The following THSD7B variants were observed in gnomAD, a reference collection of about 807,000 sequenced individuals.
The protein encoded by THSD7B is thrombospondin type 1 domain containing 7B.
A neutral mutation model predicts 213.6 loss-of-function variants in THSD7B; 138 were observed. The observed-to-expected ratio is 0.65, with a 90% CI of 0.56 to 0.74. THSD7B has a LOEUF of 0.74. Ranked by LOEUF, THSD7B falls within the 30% of genes least tolerant of loss-of-function variation. The pLI is 0.00. For synonymous variants in THSD7B, 742 were observed against 687.0 expected (o/e 1.08, Z -1.25); for missense variants, 1,931 against 1,991.5 (o/e 0.97, Z 0.58).
At chr2:136,880,828 A>G (rs1251975436) in intron 1 of THSD7B, among the ~76,000 whole-genome samples, 1 of 152,102 alleles carries the variant, frequency 6.6e-6, no homozygotes, top group Non-Finnish European at 1.5e-5. Context: ...ACCATTGTCT[A>G]CTAGTAATCC....
chr2:137,431,168 T>A (rs935067340), intron 14 of THSD7B, among the ~76,000 whole-genome samples: 2 of 152,100 alleles, frequency 1.3e-5, no homozygotes, highest in Non-Finnish European at 2.9e-5. Flanking sequence ...AACAATCAAA[T>A]ACACTTAAGA....
intron 2 of THSD7B, among the ~76,000 whole-genome samples, chr2:137,016,529 T>C (rs1010300965): frequency 3.9e-5 from 6 of 152,216 alleles, no homozygotes; most frequent in Middle Eastern, 3.2e-3. Context: ...CATGTCTTTC[T>C]GGGAAAACTG....
chr2:137,324,193 C>A (rs1177018542), intron 12 of THSD7B, among the ~76,000 whole-genome samples: 1 of 152,134 alleles, frequency 6.6e-6, no homozygotes, highest in Non-Finnish European at 1.5e-5. Context: ...GATTACTTCT[C>A]TGTGTCCTAA....
intron 15 of THSD7B, among the ~76,000 whole-genome samples, chr2:137,552,508 C>G (rs922095020): frequency 2.0e-5 from 3 of 152,056 alleles, no homozygotes; most frequent in African/African-American, 7.2e-5. Flanking sequence ...CCAACCTTGT[C>G]TAACTCCAAT....
chr2:137,439,526 T>TAA (rs3083602), intron 14 of THSD7B, among the ~76,000 whole-genome samples: 93,614 of 151,782 alleles, frequency 0.62, 30,069 homozygotes, highest in East Asian at 0.77. Flanking sequence ...AACAGAAGTC[T>TAA]AAATGTAAAT....
intron 2 of THSD7B, among the ~76,000 whole-genome samples, chr2:136,984,362 C>A (rs946653038): frequency 6.6e-6 from 1 of 152,200 alleles, no homozygotes; most frequent in Non-Finnish European, 1.5e-5. Context: ...AATGGTTTAG[C>A]ACCATCCTCT....
intron 27 of THSD7B, among the ~76,000 whole-genome samples, chr2:137,672,439 T>C (rs1172496473): frequency 6.6e-6 from 1 of 152,198 alleles, no homozygotes; most frequent in Non-Finnish European, 1.5e-5. Flanking sequence ...CAAAACTCTT[T>C]AGACTCAACA....
chr2:136,825,743 G>A (rs1214803680), intron 1 of THSD7B, among the ~76,000 whole-genome samples: 1 of 70,210 alleles, frequency 1.4e-5, no homozygotes, highest in Non-Finnish European at 2.7e-5. Flanking sequence ...TTAGATCTGG[G>A]GTTTCACCAT....
At chr2:137,368,983 G>T (rs1372201988) in intron 12 of THSD7B, among the ~76,000 whole-genome samples, 2 of 151,986 alleles carry the variant, frequency 1.3e-5, no homozygotes, top group African/African-American at 2.4e-5. Flanking sequence ...AGTACTAGGA[G>T]AATTGAATGT....
At chr2:137,075,365 C>G (rs62171243) in intron 3 of THSD7B, among the ~76,000 whole-genome samples, 13,284 of 152,242 alleles carry the variant, frequency 0.087, 715 homozygotes, top group East Asian at 0.17. Context: ...CTCTTTCTTC[C>G]AGTTGATCGC....
intron 7 of THSD7B, among the ~76,000 whole-genome samples, chr2:137,224,828 A>ATAGG (rs57697702): frequency 2.3e-4 from 35 of 151,774 alleles, no homozygotes; most frequent in African/African-American, 8.0e-4. Context: ...AGAACTTTGT[A>ATAGG]TACCCAGTTA....
chr2:137,274,795 T>C (rs12623913), intron 11 of THSD7B, among the ~76,000 whole-genome samples: 4,105 of 152,178 alleles, frequency 0.027, 107 homozygotes, highest in Middle Eastern at 0.099. Flanking sequence ...ATGCAGAATG[T>C]ATATCTATGC....
At position 137,671,327 on chromosome 2, in the gene THSD7B, C is replaced by T. The variant is rs145646510; in HGVS notation, c.4739+3466C>T. Among the ~76,000 whole-genome samples, 372 of 150,224 alleles carry T rather than the reference C, an allele frequency of 2.5e-3. 1 individual carries two copies. Among genetic ancestry groups the T allele is most frequent in the African/African-American group, 8.5e-3 (345 of 40,816 alleles). On this transcript the variant is annotated intron_variant, in intron 27 of 27. Coordinates refer to ENST00000409968, the MANE Select transcript of THSD7B (RefSeq NM_001316349.2). Reference sequence around the variant, plus strand: ...GATTTTATAGTCATTGAATAAAAGACTATTGCCTCTTTCTGAAAGATAATT... The same window carrying T: ...GATTTTATAGTCATTGAATAAAAGATTATTGCCTCTTTCTGAAAGATAATT...
intron 10 of THSD7B, among the ~76,000 whole-genome samples, chr2:137,258,210 T>A (rs1209640017): frequency 6.6e-6 from 1 of 152,214 alleles, no homozygotes; most frequent in Non-Finnish European, 1.5e-5. Context: ...TTATGGCTTT[T>A]ATTTTTTATG....
Position 136,810,940 on chromosome 2 carries a change from G to A in THSD7B, c.-36+45253G>A, listed in dbSNP as rs565413163. ...GTTCCCTTGCACTGAATGTGGGGTG[G>A]TAGATCCTGCTGAGAGCTGTGCTGC... On this transcript the variant is annotated intron_variant, in intron 1 of 27. Coordinates refer to ENST00000409968, the MANE Select transcript of THSD7B (RefSeq NM_001316349.2). 1.2e-4 allele frequency among the ~76,000 whole-genome samples: 18 copies of A among 152,294 alleles called. 1 individual carries two copies. Among genetic ancestry groups the A allele is most frequent in the African/African-American group, 3.8e-4 (16 of 41,562 alleles).
intron 2 of THSD7B, among the ~76,000 whole-genome samples, chr2:136,900,732 C>T (rs1684049530): frequency 6.6e-6 from 1 of 152,208 alleles, no homozygotes; most frequent in Non-Finnish European, 1.5e-5. Flanking sequence ...TATTTCATGA[C>T]AATTTTAAAG....
At chr2:137,531,028 A>G (rs1680387599) in intron 15 of THSD7B, among the ~76,000 whole-genome samples, 1 of 152,038 alleles carries the variant, frequency 6.6e-6, no homozygotes, top group Non-Finnish European at 1.5e-5. Flanking sequence ...TTCGTAGCCT[A>G]CATCTTTCTG....
intron 1 of THSD7B, among the ~76,000 whole-genome samples, chr2:136,814,280 C>T (rs767131047): frequency 1.3e-5 from 2 of 152,122 alleles, no homozygotes; most frequent in African/African-American, 4.8e-5. Context: ...ATATTAGCCT[C>T]GGAATGGGCT....
At chr2:136,985,769 T>C (rs1448565872) in intron 2 of THSD7B, among the ~76,000 whole-genome samples, 1 of 152,198 alleles carries the variant, frequency 6.6e-6, no homozygotes, top group Non-Finnish European at 1.5e-5. Context: ...CACCAGCAGC[T>C]TGCATCCTGT....
Sources: allele counts gnomAD v4.1 joint callset (sites outside exome capture counted in the v4.1 genomes callset), GRCh38; gene constraint gnomAD v4.1.1; transcripts MANE v1.5; gene names NCBI Gene and HGNC (gene_info 2026-07-23, HGNC 2026-07-21).